EXOC6B: variants seen among roughly 807,000 people sequenced by gnomAD.
The protein encoded by EXOC6B is SEC15 homolog B.
A neutral mutation model predicts 113.5 loss-of-function variants in EXOC6B; 54 were observed. The ratio of observed to expected loss-of-function variants is 0.48; its 90% CI spans 0.38 to 0.60. EXOC6B has a LOEUF of 0.60. Among genes scored for constraint, EXOC6B ranks in the 20% least tolerant of loss-of-function variants. The pLI is 0.00. For synonymous variants in EXOC6B, 357 were observed against 339.0 expected (o/e 1.05, Z -0.58); for missense variants, 797 against 977.5 (o/e 0.82, Z 2.46).
intron 6 of EXOC6B, among the ~76,000 whole-genome samples, chr2:72,609,472 C>A (rs914871583): frequency 6.6e-6 from 1 of 151,376 alleles, no homozygotes; most frequent in Non-Finnish European, 1.5e-5. Context: ...TCTGCCAAAT[C>A]CCCCTCTGCG....
chr2:72,784,745 C>A (rs948130181), intron 1 of EXOC6B, among the ~76,000 whole-genome samples: 1 of 152,182 alleles, frequency 6.6e-6, no homozygotes, highest in African/African-American at 2.4e-5. Flanking sequence ...CTGGGAGATA[C>A]AACTGAAGTT....
At position 72,327,014 on chromosome 2, in the gene EXOC6B, G is replaced by A. The variant is rs1352085290; in HGVS notation, c.2196+7933C>T. On this transcript the variant is annotated intron_variant, in intron 20 of 21. Transcript: ENST00000272427. ...CATGGGGAAATATGTCAAAAGCCTG[G>A]TATTTTATCTCCTGCTACCCAAAAG... Among the ~76,000 whole-genome samples the A allele has an allele frequency of 2.0e-5, 3 of 151,920 alleles. No homozygotes were observed. In the South Asian group the frequency reaches 6.2e-4, roughly 32 times the overall value.
intron 5 of EXOC6B, among the ~76,000 whole-genome samples, chr2:72,726,622 C>T (rs563850521): frequency 1.3e-5 from 2 of 152,186 alleles, no homozygotes; most frequent in African/African-American, 4.8e-5. Flanking sequence ...TGGCACTACA[C>T]TATATTGTTG....
At chr2:72,620,693 A>C (rs975480292) in intron 6 of EXOC6B, among the ~76,000 whole-genome samples, 4 of 151,978 alleles carry the variant, frequency 2.6e-5, no homozygotes, top group African/African-American at 7.2e-5. Flanking sequence ...ATACAGCAAA[A>C]GAAACTATCA....
intron 20 of EXOC6B, among the ~76,000 whole-genome samples, chr2:72,261,972 T>A (rs1395252680): frequency 6.6e-5 from 10 of 152,122 alleles, no homozygotes; most frequent in Non-Finnish European, 1.3e-4. Flanking sequence ...CCCAGGAAGG[T>A]TAGATTACTT....
At chr2:72,305,739 AATCTTTGTCTGCTCT>A (rs1686814559) in intron 20 of EXOC6B, among the ~76,000 whole-genome samples, 1 of 149,300 alleles carries the variant, frequency 6.7e-6, no homozygotes, top group Admixed American at 6.6e-5. Flanking sequence ...TACTGTACCA[AATCTTTGTCTGCTCT>A]AATAAACAAA....
chr2:72,627,438 G>A (rs1338886995), intron 6 of EXOC6B, among the ~76,000 whole-genome samples: 1 of 152,130 alleles, frequency 6.6e-6, no homozygotes, highest in Admixed American at 6.6e-5. Flanking sequence ...AAACTATGCT[G>A]CACAGATTCT....
chr2:72,290,177 T>A (rs1336980126), intron 20 of EXOC6B, among the ~76,000 whole-genome samples: 2 of 152,252 alleles, frequency 1.3e-5, no homozygotes, highest in Non-Finnish European at 2.9e-5. Flanking sequence ...CTCTCCAGCC[T>A]GCCAACTGCA....
rs541984010 is a variant in EXOC6B at position 72,557,296 on chromosome 2, G to C, written c.915+2157C>G. 1.6e-4 allele frequency among the ~76,000 whole-genome samples: 16 copies of C among 100,750 alleles called. 1 individual carries two copies. The South Asian group carries it at 3.6e-3, about 23-fold the overall frequency. 66.1% of individuals were successfully genotyped at this position (100,750 alleles called of 152,430 possible). A position where few individuals can be genotyped will look rare whatever the true frequency, so the allele number is the denominator to read the frequency against. On this transcript the variant is annotated intron_variant, in intron 8 of 21. Coordinates refer to ENST00000272427, the MANE Select transcript of EXOC6B (RefSeq NM_015189.3). ...AATGAAACAAAATAAAATCCGGGGG[G>C]GGGGGGGGGCCTTTATGAACTGATA...
intron 20 of EXOC6B, among the ~76,000 whole-genome samples, chr2:72,274,357 C>G (rs1407124920): frequency 6.6e-6 from 1 of 152,150 alleles, no homozygotes; most frequent in Non-Finnish European, 1.5e-5. Flanking sequence ...AGATTCTAGT[C>G]CATTTCTAAG....
intron 6 of EXOC6B, among the ~76,000 whole-genome samples, chr2:72,717,725 G>A (rs1019038278): frequency 5.3e-4 from 80 of 151,624 alleles, no homozygotes; most frequent in Admixed American, 2.6e-4. Flanking sequence ...TCTTGCTTAC[G>A]TAGTAAATAA....
intron 19 of EXOC6B, among the ~76,000 whole-genome samples, chr2:72,368,452 C>T (rs1175662618): frequency 6.6e-6 from 1 of 152,152 alleles, no homozygotes; most frequent in African/African-American, 2.4e-5. Flanking sequence ...GGAGCTGGTA[C>T]CATTCCTTCT....
At chr2:72,370,908 T>A (rs1178650392) in intron 19 of EXOC6B, among the ~76,000 whole-genome samples, 2 of 151,928 alleles carry the variant, frequency 1.3e-5, no homozygotes, top group African/African-American at 2.4e-5. Context: ...AAATGACAAG[T>A]TAATGGGTGC....
chr2:72,291,888 T>A lies in EXOC6B; in HGVS notation c.2196+43059A>T, dbSNP rs557936461. 5.3e-5 allele frequency among the ~76,000 whole-genome samples: 8 copies of A among 152,328 alleles called. No individual in the cohort carries two copies. The South Asian group carries it at 1.0e-3, about 20-fold the overall frequency. On this transcript the variant is annotated intron_variant, in intron 20 of 21. Transcript: ENST00000272427. Reference sequence around the variant, plus strand: ...AAGAAAAAGTTAAAACGCTTAACAGTGCAAAAGTCTAAAACGGATGGTTAA... The same window carrying A: ...AAGAAAAAGTTAAAACGCTTAACAGAGCAAAAGTCTAAAACGGATGGTTAA...
chr2:72,450,344 T>C lies in EXOC6B; in HGVS notation c.1980+14816A>G, dbSNP rs75108719. Among the ~76,000 whole-genome samples the C allele has an allele frequency of 1.3e-3, 197 of 152,304 alleles. 1 individual carries two copies. Among genetic ancestry groups the C allele is most frequent in the African/African-American group, 4.6e-3 (190 of 41,570 alleles). Reference sequence around the variant, plus strand: ...AAGCCAAATATCTGTTCCAGCTCCATTAAATCAGAAACAGAGTGGCAAGTT... The same window carrying C: ...AAGCCAAATATCTGTTCCAGCTCCACTAAATCAGAAACAGAGTGGCAAGTT... On this transcript the variant is annotated intron_variant, in intron 18 of 21. Transcript: ENST00000272427.
intron 6 of EXOC6B, among the ~76,000 whole-genome samples, chr2:72,673,709 T>A (rs1367965316): frequency 6.6e-6 from 1 of 150,890 alleles, no homozygotes; most frequent in Non-Finnish European, 1.5e-5. Flanking sequence ...CTTACCTTAG[T>A]CAAAAAATAT....
At chr2:72,580,449 C>T (rs934360289) in intron 6 of EXOC6B, among the ~76,000 whole-genome samples, 1 of 152,072 alleles carries the variant, frequency 6.6e-6, no homozygotes, top group Non-Finnish European at 1.5e-5. Flanking sequence ...GGCCAGGAAT[C>T]TTGTTTCACT....
At chr2:72,431,485 T>TTATCTATCTATCTATCTATCTATCTATC (rs3062440) in intron 18 of EXOC6B, among the ~76,000 whole-genome samples, 17 of 133,784 alleles carry the variant, frequency 1.3e-4, no homozygotes, top group Admixed American at 7.6e-5. Flanking sequence ...CTTGATTTCT[T>TTATCTATCTATCTATCTATCTATCTATC]TATCTATCTA....
intron 8 of EXOC6B, chr2:72,515,602 A>C: frequency 1.0e-6 from 1 of 997,434 alleles, no homozygotes; most frequent in South Asian, 4.4e-5. Context: ...CCCTTAGGTT[A>C]TAATCCAGCA....
Sources: allele counts gnomAD v4.1 joint callset (sites outside exome capture counted in the v4.1 genomes callset), GRCh38; gene constraint gnomAD v4.1.1; transcripts MANE v1.5; gene names NCBI Gene and HGNC (gene_info 2026-07-23, HGNC 2026-07-21).